The following AKAP12 variants were observed in gnomAD, a reference collection of about 807,000 sequenced individuals.
AKAP12 encodes the protein A-kinase anchor protein 12.
A neutral mutation model predicts 79.9 loss-of-function variants in AKAP12; 32 were observed. The ratio of observed to expected loss-of-function variants is 0.40; its 90% CI spans 0.30 to 0.54. The LOEUF (loss-of-function observed/expected upper bound fraction) is 0.54, where lower values mean the gene tolerates loss of function less well. Among genes scored for constraint, AKAP12 ranks in the 20% least tolerant of loss-of-function variants. The pLI, the probability that AKAP12 is intolerant of heterozygous loss-of-function variation, is 0.48. For missense variants in AKAP12, 2,074 were observed against 2,177.0 expected (o/e 0.95, Z 0.94); for synonymous variants, 808 against 857.0 (o/e 0.94, Z 1.00).
intron 3 of AKAP12, among the ~76,000 whole-genome samples, chr6:151,316,787 C>T (rs2114772200): frequency 6.6e-6 from 1 of 152,270 alleles, no homozygotes; most frequent in Non-Finnish European, 1.5e-5. Flanking sequence ...TGCACCACCA[C>T]ACCTGGCTAA....
chr6:151,345,949 GAGAGAGAGAGAGAGAA>G (rs1778090954), intron 3 of AKAP12, among the ~76,000 whole-genome samples: 8 of 151,136 alleles, frequency 5.3e-5, no homozygotes, highest in Non-Finnish European at 1.0e-4. Context: ...GAGAGAGAGA[GAGAGAGAGAGAGAGAA>G]AGGAGAGACA....
At chr6:151,256,864 G>A (rs1001643768) in intron 2 of AKAP12, among the ~76,000 whole-genome samples, 10 of 151,094 alleles carry the variant, frequency 6.6e-5, no homozygotes, top group Non-Finnish European at 7.4e-5. Flanking sequence ...GGCCAGGCTC[G>A]TCTCAAACTC....
intron 3 of AKAP12, among the ~76,000 whole-genome samples, chr6:151,327,580 C>T (rs1029556523): frequency 2.6e-5 from 4 of 151,974 alleles, no homozygotes; most frequent in African/African-American, 4.8e-5. Flanking sequence ...TTCAATTAGT[C>T]GCATACTGAG....
At chr6:151,334,722 C>T (rs1450660875) in intron 3 of AKAP12, among the ~76,000 whole-genome samples, 2 of 151,444 alleles carry the variant, frequency 1.3e-5, no homozygotes, top group Non-Finnish European at 2.9e-5. Context: ...CCCGGGTTCA[C>T]GCCATTCTCC....
intron 3 of AKAP12, among the ~76,000 whole-genome samples, chr6:151,328,802 G>T (rs1777600466): frequency 6.6e-6 from 1 of 151,970 alleles, no homozygotes; most frequent in Non-Finnish European, 1.5e-5. Context: ...TCATTAACAG[G>T]ACTGATGGCA....
intron 2 of AKAP12, among the ~76,000 whole-genome samples, chr6:151,267,962 G>T (rs1025347854): frequency 2.6e-5 from 4 of 152,266 alleles, no homozygotes; most frequent in Admixed American, 1.3e-4. Context: ...CATCGTCCTT[G>T]TGCCCTCTTC....
At chr6:151,324,723 G>A (rs1179002152) in intron 3 of AKAP12, 8 of 985,196 alleles carry the variant, frequency 8.1e-6, no homozygotes, top group South Asian at 9.4e-5. Context: ...ACAAACCCAG[G>A]GGACCTAACG....
rs1242548889 is a variant in AKAP12, at chr6:151,240,594, G to T, written c.32G>T (p.Ser11Ile). 3 of 1,428,394 alleles carry T rather than the reference G, an allele frequency of 2.1e-6. No individual in the cohort carries two copies. Among genetic ancestry groups the T allele is most frequent in the Admixed American group, 2.9e-5 (1 of 34,620 alleles). The allele number at this position is 1,428,394 out of a possible 1,614,324, so 88.5% of individuals were successfully genotyped here. MGAGSSTEQR[S>I]PEQPPEGSST... The stretch of plus-strand genomic sequence containing the variant: ...GCCGGGAGCTCCACCGAGCAGCGCA[G>T]CCCGGAGCAGCCGCCCGAGGGGAGC... Residue 11 changes from serine (S) to isoleucine (I), a missense_variant, in exon 2 of 5, where the codon AGC becomes ATC. This residue lies in a region of AKAP12 where 1,428 missense variants were observed against 1,451.0 expected (regional missense o/e 0.98). Transcript: ENST00000402676.
chr6:151,294,224 G>A (rs974442266), intron 2 of AKAP12, among the ~76,000 whole-genome samples: 2 of 152,048 alleles, frequency 1.3e-5, no homozygotes, highest in Admixed American at 6.6e-5. Context: ...CACCCGCCTC[G>A]GCCTCCCAAA....
At chr6:151,316,805 ATTT>A (rs1777246362) in intron 3 of AKAP12, among the ~76,000 whole-genome samples, 2 of 151,898 alleles carry the variant, frequency 1.3e-5, no homozygotes, top group Non-Finnish European at 2.9e-5. Context: ...TAATTTTTGT[ATTT>A]TTAGTAGAGA....
intron 2 of AKAP12, among the ~76,000 whole-genome samples, chr6:151,285,390 G>GTGTGTT (rs1776483319): frequency 6.8e-6 from 1 of 147,716 alleles, no homozygotes; most frequent in Non-Finnish European, 1.5e-5. Context: ...TTCACTGTGT[G>GTGTGTT]TGTGTGTGTG....
chr6:151,350,730 G>A lies in AKAP12; in HGVS notation c.2339G>A (p.Ser780Asn), dbSNP rs748528417. 11 of 1,613,998 alleles carry A rather than the reference G, an allele frequency of 6.8e-6. No individual in the cohort carries two copies. Among genetic ancestry groups the A allele is most frequent in the Non-Finnish European group, 9.3e-6 (11 of 1,180,000 alleles). The stretch of plus-strand genomic sequence containing the variant: ...TCAAAGTCCAAGCTGGAAGAGAAAA[G>A]CGAAGACTCCATAGCTGGGTCTGGT... Reference protein sequence around the residue: ...KKSKSKLEEKSEDSIAGSGVE... With the variant: ...KKSKSKLEEKNEDSIAGSGVE... Residue 780 changes from serine (S) to asparagine (N), a missense_variant, in exon 4 of 5, where the codon AGC (serine) becomes AAC (asparagine). Ser to Asn is a conservative substitution (Grantham distance 46). This residue lies in a region of AKAP12 where 1,428 missense variants were observed against 1,451.0 expected (regional missense o/e 0.98). Transcript: ENST00000402676. This position sits in a 1 kb window ranked among gnomAD's most constrained non-coding sequence, Gnocchi z 4.8.
intron 2 of AKAP12, among the ~76,000 whole-genome samples, chr6:151,258,149 T>C (rs1797337630): frequency 6.6e-6 from 1 of 152,208 alleles, no homozygotes; most frequent in Non-Finnish European, 1.5e-5. Flanking sequence ...TATTGTGTCC[T>C]CAAACTCTCT....
At chr6:151,280,188 A>C (rs1582852496) in intron 2 of AKAP12, among the ~76,000 whole-genome samples, 1 of 152,094 alleles carries the variant, frequency 6.6e-6, no homozygotes, top group East Asian at 1.9e-4. Flanking sequence ...GATATACTCT[A>C]TATTTTTAAC....
At chr6:151,285,048 T>C (rs1394376897) in intron 2 of AKAP12, among the ~76,000 whole-genome samples, 1 of 152,192 alleles carries the variant, frequency 6.6e-6, no homozygotes, top group East Asian at 1.9e-4. Flanking sequence ...TTCAGGCACT[T>C]TATTTTAGGA....
chr6:151,287,559 C>T (rs12174672), intron 2 of AKAP12, among the ~76,000 whole-genome samples: 53,508 of 152,034 alleles, frequency 0.35, 9,818 homozygotes, highest in East Asian at 0.61. Flanking sequence ...TCAGGCCCGG[C>T]CATGTTTACT....
At chr6:151,319,741 A>G in intron 3 of AKAP12, 1 of 158,950 alleles carries the variant, frequency 6.3e-6, no homozygotes. Flanking sequence ...TCACCACTCC[A>G]TGGGCGTCCC....
rs1022963127 is a variant in AKAP12, at chr6:151,324,304, G to A, written c.319+18401G>A. ...CCGGGTATTTGCCAGGATGTGAAACGGAAGCCAGGCTTTTGGAGAGGCTGA... is the reference window on the plus strand; with the variant it reads ...CCGGGTATTTGCCAGGATGTGAAACAGAAGCCAGGCTTTTGGAGAGGCTGA... On this transcript the variant is annotated intron_variant, in intron 3 of 4. Coordinates refer to ENST00000402676, the MANE Select transcript of AKAP12 (RefSeq NM_005100.4). The A allele has an allele frequency of 4.1e-6, 4 of 985,278 alleles. No individual in the cohort carries two copies. The African/African-American group carries it at 5.2e-5, about 13-fold the overall frequency. The allele number at this position is 985,278 out of a possible 1,614,324, so 61.0% of individuals were successfully genotyped here.
At position 151,357,634 on chromosome 6, in the gene AKAP12, C is replaced by G. The variant is rs1778472862; in HGVS notation, c.*1920C>G. 1 of 150,300 alleles carries G rather than the reference C, an allele frequency of 6.7e-6. No homozygotes were observed. The highest frequency in any genetic ancestry group is 2.1e-4 in the South Asian group (1 of 4,756). The allele number at this position is 150,300 out of a possible 1,614,324, so 9.3% of individuals were successfully genotyped here. On this transcript the variant is annotated 3_prime_UTR_variant, in exon 5 of 5. Coordinates refer to ENST00000402676, the MANE Select transcript of AKAP12 (RefSeq NM_005100.4). ...GAAGTCATCTTTTAGGAGTTATTCTCAAATATATATAATAGCTACCCATGC... is the reference window on the plus strand; with the variant it reads ...GAAGTCATCTTTTAGGAGTTATTCTGAAATATATATAATAGCTACCCATGC...
Sources: allele counts gnomAD v4.1 joint callset (sites outside exome capture counted in the v4.1 genomes callset), GRCh38; gene constraint gnomAD v4.1.1; regional missense constraint gnomAD v4.1.1; non-coding constraint Gnocchi (gnomAD v3.1); transcripts MANE v1.5; gene names NCBI Gene and HGNC (gene_info 2026-07-23, HGNC 2026-07-21).